ARL13B: variants seen among roughly 807,000 people sequenced by gnomAD.
ARL13B encodes ADP-ribosylation factor-like protein 13B.
Under a neutral mutation model 56.1 loss-of-function variants are expected in ARL13B, and 36 were observed. The observed-to-expected ratio is 0.64, with a 90% CI of 0.49 to 0.85. ARL13B has a LOEUF of 0.85. Ranked by LOEUF, ARL13B falls within the 40% of genes least tolerant of loss-of-function variation. The pLI is 0.00. For synonymous variants in ARL13B, 178 were observed against 171.1 expected, an observed-to-expected ratio of 1.04 and a Z score of -0.32; for missense variants, 519 against 507.1, an observed-to-expected ratio of 1.02 and a Z score of -0.23.
chr3:94,021,388 T>A (rs1421933715), intron 3 of ARL13B, among the ~76,000 whole-genome samples: 1 of 151,814 alleles, frequency 6.6e-6, no homozygotes, highest in African/African-American at 2.4e-5. Context: ...AGAGACAAGG[T>A]TTCACCATGT....
At chr3:94,022,792 C>T (rs954605876) in intron 3 of ARL13B, among the ~76,000 whole-genome samples, 2 of 151,914 alleles carry the variant, frequency 1.3e-5, no homozygotes, top group Non-Finnish European at 2.9e-5. Flanking sequence ...AAAGTAAATA[C>T]ATCCATGTAA....
Position 94,054,698 on chromosome 3 carries a change from TAATA to T in ARL13B, c.*1437_*1440del, listed in dbSNP as rs1377174993. The T allele has an allele frequency of 2.6e-6, 1 of 389,406 alleles. No homozygotes were observed. Among genetic ancestry groups the T allele is most frequent in the African/African-American group, 2.1e-5 (1 of 46,894 alleles). The allele number at this position is 389,406 out of a possible 1,614,324, so 24.1% of individuals were successfully genotyped here. A position where few individuals can be genotyped will look rare whatever the true frequency, so the allele number is the denominator to read the frequency against. ...TCACATTTTTTAACTCACTGAACTT[TAATA>T]ATCAGGTCACCTGTACTCTAGTCAG... is the stretch of plus-strand genomic sequence containing the variant. On this transcript the variant is annotated 3_prime_UTR_variant, in exon 10 of 10. Coordinates refer to ENST00000394222, the MANE Select transcript of ARL13B (RefSeq NM_001174150.2).
At chr3:94,049,285 A>C (rs957722170) in intron 7 of ARL13B, 121 bp from the exon 8 acceptor site, 29 of 564,898 alleles carry the variant, frequency 5.1e-5, no homozygotes, top group Non-Finnish European at 8.1e-5. Context: ...CAATTTCCAA[A>C]GTTAAATAGT....
chr3:94,036,894 G>T lies in ARL13B; in HGVS notation c.689+140G>T, dbSNP rs979371771. Reference sequence around the variant, plus strand: ...ACTAGGTAAATTTTGTATTTCTGTGGATCTTTTTCTGTACAAGTTTGGGTG... The same window carrying T: ...ACTAGGTAAATTTTGTATTTCTGTGTATCTTTTTCTGTACAAGTTTGGGTG... On this transcript the variant is annotated intron_variant, in intron 5 of 9. Transcript: ENST00000394222. The T allele has an allele frequency of 1.4e-5, 14 of 1,011,544 alleles. No individual in the cohort carries two copies. The East Asian group carries it at 1.6e-4, about 11-fold the overall frequency. The allele number at this position is 1,011,544 out of a possible 1,614,324, so 62.7% of individuals were successfully genotyped here.
chr3:94,040,048 G>C, intron 6 of ARL13B, 60 bp downstream of exon 6: 2 of 1,473,578 alleles, frequency 1.4e-6, no homozygotes, highest in Non-Finnish European at 1.9e-6. Flanking sequence ...ACTTGGAAAA[G>C]AAGGTGGAAA....
chr3:93,986,767 G>A (rs1195986077), intron 1 of ARL13B, among the ~76,000 whole-genome samples: 3 of 152,126 alleles, frequency 2.0e-5, no homozygotes, highest in Admixed American at 1.3e-4. Context: ...TCAGGAGTTC[G>A]AGATGAGCCT....
chr3:94,024,432 G>A (rs1019139247), intron 3 of ARL13B, among the ~76,000 whole-genome samples: 5 of 152,152 alleles, frequency 3.3e-5, no homozygotes, highest in Admixed American at 2.6e-4. Flanking sequence ...TTATACAATG[G>A]TTCAGTAGCT....
chr3:93,992,039 A>G (rs2075886109), intron 1 of ARL13B, among the ~76,000 whole-genome samples: 1 of 152,078 alleles, frequency 6.6e-6, no homozygotes, highest in Non-Finnish European at 1.5e-5. Flanking sequence ...CTCTAAAGTG[A>G]TTTTCTTCTT....
intron 8 of ARL13B, 87 bp from the exon 9 acceptor site, chr3:94,050,737 T>A: frequency 9.1e-7 from 1 of 1,098,154 alleles, no homozygotes; most frequent in Non-Finnish European, 1.4e-6. Flanking sequence ...ATGTTACATA[T>A]GCTTCCTTTC....
At chr3:93,981,561 A>G (rs1008160115) in intron 1 of ARL13B, among the ~76,000 whole-genome samples, 2 of 152,126 alleles carry the variant, frequency 1.3e-5, no homozygotes, top group African/African-American at 4.8e-5. Context: ...TGAATGTTTT[A>G]AATATAAGTA....
intron 3 of ARL13B, 93 bp from the exon 4 acceptor site, chr3:94,035,236 CAA>C (rs374163446): frequency 0.048 from 25,545 of 533,474 alleles, no homozygotes; most frequent in South Asian, 0.058. Context: ...GACTCAGTCT[CAA>C]AAAAAAAAAA....
chr3:94,017,873 G>T (rs75793700), intron 3 of ARL13B, among the ~76,000 whole-genome samples: 19 of 152,116 alleles, frequency 1.2e-4, no homozygotes, highest in Non-Finnish European at 2.6e-4. Flanking sequence ...CAAAGTGAAT[G>T]TAGATAGAAA....
At chr3:94,001,888 C>T (rs1257342970) in intron 2 of ARL13B, among the ~76,000 whole-genome samples, 1 of 152,174 alleles carries the variant, frequency 6.6e-6, no homozygotes, top group Non-Finnish European at 1.5e-5. Flanking sequence ...TTTTAAATGC[C>T]TAGTATAATC....
rs1250848744 is a variant in ARL13B at position 94,029,343 on chromosome 3, TTTTTTA to T, written c.381-5982_381-5977del. ...ATATATATATATATATATTTATTTT[TTTTTTA>T]TTTTTTTTTTTTTTTGAGAAGGAGT... On this transcript the variant is annotated intron_variant, in intron 3 of 9. Transcript: ENST00000394222. Among the ~76,000 whole-genome samples the T allele has an allele frequency of 1.0e-3, 104 of 103,484 alleles. 2 individuals are homozygous for T. Among genetic ancestry groups the T allele is most frequent in the African/African-American group, 3.6e-3 (73 of 20,370 alleles). 67.9% of individuals were successfully genotyped at this position (103,484 alleles called of 152,430 possible).
At chr3:94,017,775 G>A (rs981527348) in intron 3 of ARL13B, among the ~76,000 whole-genome samples, 3 of 152,156 alleles carry the variant, frequency 2.0e-5, no homozygotes, top group East Asian at 1.9e-4. Context: ...ATGAAGAGCC[G>A]AGGGAGTGTA....
At position 94,055,173 on chromosome 3, in the gene ARL13B, A is replaced by C. The variant is rs188106016; in HGVS notation, c.*1910A>C. The stretch of plus-strand genomic sequence containing the variant: ...AAAACATTTTAAAAAATGTTTTGTA[A>C]ATCCAGGTGTATTTTAACAATTAAA... On this transcript the variant is annotated 3_prime_UTR_variant, in exon 10 of 10. Coordinates refer to ENST00000394222, the MANE Select transcript of ARL13B (RefSeq NM_001174150.2). The C allele has an allele frequency of 3.0e-5, 11 of 365,426 alleles. No individual in the cohort carries two copies. In the East Asian group the frequency reaches 8.6e-4, roughly 29 times the overall value. The allele number at this position is 365,426 out of a possible 1,614,324, so 22.6% of individuals were successfully genotyped here.
chr3:93,983,650 G>GT (rs934787414), intron 1 of ARL13B, among the ~76,000 whole-genome samples: 48 of 151,630 alleles, frequency 3.2e-4, no homozygotes, highest in East Asian at 2.7e-3. Flanking sequence ...AGTTTCTGGG[G>GT]TTTTTTTTGT....
Position 94,055,531 on chromosome 3 carries a change from C to T in ARL13B, c.*2268C>T. On this transcript the variant is annotated 3_prime_UTR_variant, in exon 10 of 10. Coordinates refer to ENST00000394222, the MANE Select transcript of ARL13B (RefSeq NM_001174150.2). ...TGATGTTAGAGGATTTGATGTCTGT[C>T]TTGCGTTAAAGCTGTTGGTCAACAG... The T allele has an allele frequency of 2.2e-6, 1 of 453,878 alleles. No individual in the cohort carries two copies. The highest frequency in any genetic ancestry group is 1.6e-5 in the South Asian group (1 of 64,466). 28.1% of individuals were successfully genotyped at this position (453,878 alleles called of 1,614,324 possible). A position where few individuals can be genotyped will look rare whatever the true frequency, so the allele number is the denominator to read the frequency against.
At chr3:94,048,011 C>A (rs944682412) in intron 7 of ARL13B, 2 of 151,854 alleles carry the variant, frequency 1.3e-5, no homozygotes, top group Non-Finnish European at 2.9e-5. Context: ...CACACACACA[C>A]ACACACACAC....
Sources: gnomAD v4.1 joint callset for allele counts (sites outside exome capture counted in the v4.1 genomes callset) on GRCh38, gnomAD v4.1.1 for gene constraint, MANE v1.5 for transcripts, NCBI Gene and HGNC (gene_info 2026-07-23, HGNC 2026-07-21) for gene names.